Variants in SLC25A21 observed in about 807,000 individuals in gnomAD.
The protein encoded by SLC25A21 is mitochondrial 2-oxodicarboxylate carrier.
A neutral mutation model predicts 43.8 loss-of-function variants in SLC25A21; 47 were observed. That is an observed-to-expected ratio of 1.07 (90% CI 0.85 to 1.37). The LOEUF is 1.37. Among genes scored for constraint, SLC25A21 ranks in the 40% most tolerant of loss-of-function variants. The pLI is 0.00. For synonymous variants in SLC25A21, 131 were observed against 121.3 expected, an observed-to-expected ratio of 1.08 and a Z score of -0.52; for missense variants, 352 against 350.2, an observed-to-expected ratio of 1.00 and a Z score of -0.04.
intron 1 of SLC25A21, among the ~76,000 whole-genome samples, chr14:37,145,979 G>A (rs978567049): frequency 6.6e-6 from 1 of 152,038 alleles, no homozygotes; most frequent in Admixed American, 6.5e-5. Context: ...GGTTCCTAGG[G>A]TAATGTCTCA....
intron 1 of SLC25A21, among the ~76,000 whole-genome samples, chr14:37,048,962 T>C (rs1198345195): frequency 6.6e-6 from 1 of 152,210 alleles, no homozygotes; most frequent in Non-Finnish European, 1.5e-5. Flanking sequence ...CTGACTCACC[T>C]GTGGGGGGTT....
intron 1 of SLC25A21, among the ~76,000 whole-genome samples, chr14:37,087,297 A>C (rs1347410042): frequency 3.9e-5 from 6 of 152,226 alleles, no homozygotes; most frequent in African/African-American, 1.4e-4. Context: ...AATAAGAATA[A>C]ATCAACTTCA....
In SLC25A21 at chr14:36,831,346, T is replaced by C. The variant is rs527659328; in HGVS notation, c.120-17345A>G. ...TTAATCATTGCATCCTGTAAGACAC[T>C]GTATTGTAGGAAGCTGTACTTTGTA... On this transcript the variant is annotated intron_variant, in intron 2 of 9. Transcript: ENST00000331299. Among the ~76,000 whole-genome samples, 4 of 152,362 alleles carry C rather than the reference T, an allele frequency of 2.6e-5. No homozygotes were observed. In the South Asian group the frequency reaches 8.3e-4, roughly 32 times the overall value.
At chr14:36,961,719 T>G (rs1959497151) in intron 1 of SLC25A21, among the ~76,000 whole-genome samples, 1 of 152,126 alleles carries the variant, frequency 6.6e-6, no homozygotes, top group East Asian at 1.9e-4. Context: ...AAGGGAAATA[T>G]AGGTCCTTTC....
intron 3 of SLC25A21, among the ~76,000 whole-genome samples, chr14:36,753,951 GAGAGAGAGAA>G (rs1566575692): frequency 1.4e-5 from 2 of 146,736 alleles, no homozygotes; most frequent in African/African-American, 5.4e-5. Context: ...GAGAGAGAGA[GAGAGAGAGAA>G]AGAGAGAGAA....
intron 7 of SLC25A21, 74 bp downstream of exon 7, chr14:36,711,244 T>C: frequency 7.1e-7 from 1 of 1,405,006 alleles, no homozygotes; most frequent in Non-Finnish European, 9.9e-7. Context: ...CAGGACAGGA[T>C]AAACATTCTA....
At chr14:36,875,126 A>G (rs750623894) in intron 1 of SLC25A21, 122 bp from the exon 2 acceptor site, 9 of 625,086 alleles carry the variant, frequency 1.4e-5, no homozygotes, top group Non-Finnish European at 2.2e-5. Context: ...CGGATATGAC[A>G]GCTAATAGTA....
chr14:36,938,843 AAAAC>A (rs1326423832), intron 1 of SLC25A21, among the ~76,000 whole-genome samples: 4 of 152,136 alleles, frequency 2.6e-5, no homozygotes, highest in Non-Finnish European at 5.9e-5. Flanking sequence ...TAAAAAAACA[AAAAC>A]AAAAACAAAA....
chr14:37,146,006 A>G (rs1179821073), intron 1 of SLC25A21, among the ~76,000 whole-genome samples: 1 of 152,146 alleles, frequency 6.6e-6, no homozygotes, highest in African/African-American at 2.4e-5. Context: ...TGGCAGGCAA[A>G]CAGCAATGAT....
At chr14:36,919,225 A>G (rs1234303211) in intron 1 of SLC25A21, among the ~76,000 whole-genome samples, 1 of 152,118 alleles carries the variant, frequency 6.6e-6, no homozygotes, top group Non-Finnish European at 1.5e-5. Context: ...ATTGCTGCAC[A>G]ATAAAATTTA....
chr14:37,050,752 C>T (rs564881876), intron 1 of SLC25A21, among the ~76,000 whole-genome samples: 3 of 152,278 alleles, frequency 2.0e-5, no homozygotes, highest in African/African-American at 4.8e-5. Flanking sequence ...TAACCAAGTA[C>T]TTCTCAGATC....
At chr14:37,051,567 T>C (rs1401410962) in intron 1 of SLC25A21, among the ~76,000 whole-genome samples, 5 of 152,136 alleles carry the variant, frequency 3.3e-5, no homozygotes, top group South Asian at 2.1e-4. Context: ...ACTTGGGCAA[T>C]TGGAAAAGAG....
At chr14:36,737,091 C>G (rs1360130393) in intron 3 of SLC25A21, among the ~76,000 whole-genome samples, 1 of 152,134 alleles carries the variant, frequency 6.6e-6, no homozygotes, top group Non-Finnish European at 1.5e-5. Context: ...CAAGGCTGAT[C>G]TGTTTCAATC....
intron 3 of SLC25A21, among the ~76,000 whole-genome samples, chr14:36,800,217 G>C (rs570888127): frequency 1.0e-3 from 155 of 152,052 alleles, no homozygotes; most frequent in African/African-American, 3.6e-3. Context: ...TCTCACTTCT[G>C]GGTATATACA....
chr14:37,074,002 T>C (rs775065305), intron 1 of SLC25A21, among the ~76,000 whole-genome samples: 4 of 141,890 alleles, frequency 2.8e-5, no homozygotes, highest in Non-Finnish European at 5.9e-5. Flanking sequence ...GTCCAGAAAT[T>C]CACCTTGTCA....
chr14:36,988,759 A>G (rs1409810926), intron 1 of SLC25A21, among the ~76,000 whole-genome samples: 1 of 152,204 alleles, frequency 6.6e-6, no homozygotes, highest in Admixed American at 6.5e-5. Flanking sequence ...GCCACAGTTT[A>G]CATTTAATGG....
intron 3 of SLC25A21, among the ~76,000 whole-genome samples, chr14:36,745,861 C>G (rs1885475222): frequency 6.6e-6 from 1 of 152,060 alleles, no homozygotes; most frequent in East Asian, 1.9e-4. Context: ...ACATGCTCAA[C>G]ATCACTAATC....
intron 2 of SLC25A21, among the ~76,000 whole-genome samples, chr14:36,867,755 C>A (rs185409135): frequency 2.0e-5 from 3 of 152,048 alleles, no homozygotes; most frequent in Non-Finnish European, 4.4e-5. Flanking sequence ...GTATTCCCCC[C>A]ATTTTTGCTA....
At chr14:36,838,267 G>A (rs1434808812) in intron 2 of SLC25A21, among the ~76,000 whole-genome samples, 1 of 152,148 alleles carries the variant, frequency 6.6e-6, no homozygotes, top group Non-Finnish European at 1.5e-5. Flanking sequence ...TCACATGTCT[G>A]TACATATTTT....
Sources: allele counts gnomAD v4.1 joint callset (sites outside exome capture counted in the v4.1 genomes callset), GRCh38; gene constraint gnomAD v4.1.1; transcripts MANE v1.5; gene names NCBI Gene and HGNC (gene_info 2026-07-23, HGNC 2026-07-21).